CNOT6: variants seen among roughly 807,000 people sequenced by gnomAD.
CNOT6 encodes the protein carbon catabolite repression 4 protein.
Under a neutral mutation model 61.2 loss-of-function variants are expected in CNOT6, and 12 were observed. The observed-to-expected ratio is 0.20, with a 90% confidence interval of 0.13 to 0.32. The LOEUF is 0.32. Among genes scored for constraint, CNOT6 ranks in the 10% least tolerant of loss-of-function variants. The pLI, the probability that CNOT6 is intolerant of heterozygous loss-of-function variation, is 1.00. For synonymous variants in CNOT6, 225 were observed against 240.6 expected (o/e 0.94, Z 0.60); for missense variants, 405 against 663.9 (o/e 0.61, Z 4.28).
chr5:180,569,672 C>T (rs1028044791), intron 10 of CNOT6, among the ~76,000 whole-genome samples: 6 of 152,176 alleles, frequency 3.9e-5, no homozygotes, highest in East Asian at 1.9e-4. Context: ...GGGATTCCAG[C>T]GTGTGGTAAT....
intron 2 of CNOT6, among the ~76,000 whole-genome samples, chr5:180,547,565 C>G (rs1276164116): frequency 6.6e-6 from 1 of 152,044 alleles, no homozygotes; most frequent in Non-Finnish European, 1.5e-5. Context: ...GTCAGTCTCT[C>G]TTATTGTTTA....
intron 4 of CNOT6, among the ~76,000 whole-genome samples, chr5:180,554,293 C>T (rs1759767648): frequency 6.6e-6 from 1 of 152,130 alleles, no homozygotes; most frequent in South Asian, 2.1e-4. Flanking sequence ...TGGTTCCCAC[C>T]TGTAGTACCA....
At chr5:180,517,191 G>T (rs910479539) in intron 1 of CNOT6, among the ~76,000 whole-genome samples, 1 of 152,090 alleles carries the variant, frequency 6.6e-6, no homozygotes, top group African/African-American at 2.4e-5. Flanking sequence ...AGGCTGGAGC[G>T]CAATGGCGTG....
chr5:180,550,801 C>A (rs1759558085), intron 3 of CNOT6, among the ~76,000 whole-genome samples: 1 of 152,106 alleles, frequency 6.6e-6, no homozygotes, highest in Non-Finnish European at 1.5e-5. Context: ...TTTTTGCCAT[C>A]CCAGGGCTTG....
chr5:180,574,129 T>C lies in CNOT6; in HGVS notation c.1603T>C (p.Phe535Leu). The change falls in exon 12 of 12, where the codon TTT becomes CTT. Residue 535 changes from phenylalanine to leucine, a missense_variant. Transcript: ENST00000261951. The part of the protein sequence containing the change: ...PLIPSDHFSL[F>L]AQLELLLPFL... ...CATCCCCTCTGACCACTTCTCACTT[T>C]TTGCACAACTGGAGCTCTTACTGCC... 1 of 1,614,102 alleles carries C rather than the reference T, an allele frequency of 6.2e-7. No individual in the cohort carries two copies. Among genetic ancestry groups the C allele is most frequent in the Non-Finnish European group, 8.5e-7 (1 of 1,180,004 alleles).
chr5:180,575,305 T>G lies in CNOT6; in HGVS notation c.*1105T>G, dbSNP rs1046287158. ...ATTGTGAAGCATTGAATATCACATTTTGGAACATGTTATAGGGTGAGTCCC... is the reference window on the plus strand; with the variant it reads ...ATTGTGAAGCATTGAATATCACATTGTGGAACATGTTATAGGGTGAGTCCC... On this transcript the variant is annotated 3_prime_UTR_variant, in exon 12 of 12. Coordinates refer to ENST00000261951, the MANE Select transcript of CNOT6 (RefSeq NM_001370472.1). The G allele has an allele frequency of 2.0e-5, 3 of 152,060 alleles. No homozygotes were observed. The East Asian group carries it at 5.8e-4, about 29-fold the overall frequency. The allele number at this position is 152,060 out of a possible 1,614,324, so 9.4% of individuals were successfully genotyped here.
At chr5:180,553,809 G>T (rs1388412720) in intron 4 of CNOT6, among the ~76,000 whole-genome samples, 1 of 152,016 alleles carries the variant, frequency 6.6e-6, no homozygotes, top group African/African-American at 2.4e-5. Flanking sequence ...AAAACATGGA[G>T]CCTCTCATAT....
At chr5:180,553,811 C>T (rs1561657524) in intron 4 of CNOT6, among the ~76,000 whole-genome samples, 1 of 152,036 alleles carries the variant, frequency 6.6e-6, no homozygotes. Context: ...AACATGGAGC[C>T]TCTCATATAG....
At chr5:180,562,895 G>A (rs1204676073) in intron 4 of CNOT6, among the ~76,000 whole-genome samples, 6 of 152,126 alleles carry the variant, frequency 3.9e-5, no homozygotes, top group South Asian at 2.1e-4. Flanking sequence ...CTTATCTCAC[G>A]GGATTGTGAC....
chr5:180,572,290 A>G (rs1329495337), intron 11 of CNOT6, among the ~76,000 whole-genome samples: 1 of 151,934 alleles, frequency 6.6e-6, no homozygotes, highest in Non-Finnish European at 1.5e-5. Context: ...CCCAGGTTCA[A>G]GTGATTCTCA....
At chr5:180,513,829 G>A (rs1355719875) in intron 1 of CNOT6, among the ~76,000 whole-genome samples, 5 of 151,640 alleles carry the variant, frequency 3.3e-5, no homozygotes, top group African/African-American at 1.2e-4. Flanking sequence ...CAGCCTCTCC[G>A]AGTAGCTGGG....
At chr5:180,539,514 A>T (rs1356459953) in intron 2 of CNOT6, among the ~76,000 whole-genome samples, 1 of 139,242 alleles carries the variant, frequency 7.2e-6, no homozygotes, top group Non-Finnish European at 1.5e-5. Flanking sequence ...TTATTAAAAT[A>T]ATTTTTTTGG....
rs142404570 is a variant in CNOT6, at chr5:180,549,472, A to G, written c.113-459A>G. Among the ~76,000 whole-genome samples the G allele has an allele frequency of 1.3e-3, 204 of 152,042 alleles. 3 individuals are homozygous for G. In the East Asian group the frequency reaches 0.021, roughly 15 times the overall value. Reference sequence around the variant, plus strand: ...AGACCATCCTTGTTAACACCGTGAAACCCCGTCTCTACTAAAAATAGAGAA... The same window carrying G: ...AGACCATCCTTGTTAACACCGTGAAGCCCCGTCTCTACTAAAAATAGAGAA... On this transcript the variant is annotated intron_variant, in intron 2 of 11. Coordinates refer to ENST00000261951, the MANE Select transcript of CNOT6 (RefSeq NM_001370472.1).
At chr5:180,528,186 T>C (rs1417100801) in intron 1 of CNOT6, among the ~76,000 whole-genome samples, 1 of 152,240 alleles carries the variant, frequency 6.6e-6, no homozygotes. Context: ...TTAGAGATTG[T>C]AAACTGATTA....
At chr5:180,541,381 C>T (rs189572397) in intron 2 of CNOT6, among the ~76,000 whole-genome samples, 2,839 of 151,672 alleles carry the variant, frequency 0.019, 37 homozygotes, top group Non-Finnish European at 0.027. Flanking sequence ...TCGTGATCCA[C>T]CCGCCACGGC....
chr5:180,510,832 C>G (rs1009145407), intron 1 of CNOT6, among the ~76,000 whole-genome samples: 2 of 151,562 alleles, frequency 1.3e-5, no homozygotes, highest in Non-Finnish European at 2.9e-5. Flanking sequence ...GCGACAGAGT[C>G]TCGCTCTCGT....
intron 1 of CNOT6, among the ~76,000 whole-genome samples, chr5:180,515,860 T>G (rs1757611401): frequency 6.6e-6 from 1 of 152,126 alleles, no homozygotes; most frequent in African/African-American, 2.4e-5. Flanking sequence ...GAAGAAAATG[T>G]GAAAAGCATA....
rs967806014 is a variant in CNOT6 at position 180,508,784 on chromosome 5, A to G, written c.-3+14021A>G. On this transcript the variant is annotated intron_variant, in intron 1 of 11. Coordinates refer to ENST00000261951, the MANE Select transcript of CNOT6 (RefSeq NM_001370472.1). ...ACTGCAGGTGTGTGCCAACATGCCC[A>G]GCTAATGTATCTTATTTTAATTAAT... Among the ~76,000 whole-genome samples, 11 of 151,322 alleles carry G rather than the reference A, an allele frequency of 7.3e-5. 1 individual carries two copies. The highest frequency in any genetic ancestry group is 7.2e-4 in the Admixed American group (11 of 15,182).
chr5:180,518,915 G>A (rs527417081), intron 1 of CNOT6, among the ~76,000 whole-genome samples: 1 of 152,198 alleles, frequency 6.6e-6, no homozygotes, highest in African/African-American at 2.4e-5. Flanking sequence ...TTCTTGCCAT[G>A]TTGCCCAGGC....
Sources: allele counts gnomAD v4.1 joint callset (sites outside exome capture counted in the v4.1 genomes callset), GRCh38; gene constraint gnomAD v4.1.1; transcripts MANE v1.5; gene names NCBI Gene and HGNC (gene_info 2026-07-23, HGNC 2026-07-21).